The following PCSK5 variants were observed in gnomAD, a reference collection of about 807,000 sequenced individuals.
The protein encoded by PCSK5 is prohormone convertase 5.
PCSK5 carries 129 observed loss-of-function variants against 233.2 expected under a neutral mutation model. That is an observed-to-expected ratio of 0.55 (90% confidence interval 0.48 to 0.64). The LOEUF is 0.64. Ranked by LOEUF, PCSK5 falls within the 30% of genes least tolerant of loss-of-function variation. The pLI, the probability that PCSK5 is intolerant of heterozygous loss-of-function variation, is 0.00. For missense variants in PCSK5, 2,076 were observed against 2,430.1 expected, an observed-to-expected ratio of 0.85 and a Z score of 3.06; for synonymous variants, 825 against 879.2, an observed-to-expected ratio of 0.94 and a Z score of 1.09.
At chr9:76,318,773 C>T (rs1048496870) in intron 30 of PCSK5, among the ~76,000 whole-genome samples, 1 of 152,176 alleles carries the variant, frequency 6.6e-6, no homozygotes, top group Non-Finnish European at 1.5e-5. Flanking sequence ...TCCAATCTTA[C>T]AGGGCATTAA....
intron 24 of PCSK5, among the ~76,000 whole-genome samples, chr9:76,259,746 C>T (rs753461596): frequency 2.0e-5 from 3 of 152,078 alleles, no homozygotes; most frequent in African/African-American, 2.4e-5. Context: ...TCAATGTCAG[C>T]GTCCTCACAG....
chr9:76,247,562 C>T (rs1387070086), intron 24 of PCSK5, among the ~76,000 whole-genome samples: 3 of 152,164 alleles, frequency 2.0e-5, no homozygotes, highest in African/African-American at 7.2e-5. Flanking sequence ...GTCACCTTCC[C>T]AGCTAGGCTT....
chr9:75,944,802 C>G (rs1824486075), intron 2 of PCSK5, among the ~76,000 whole-genome samples: 1 of 152,036 alleles, frequency 6.6e-6, no homozygotes, highest in Admixed American at 6.6e-5. Flanking sequence ...TAATAAGCAC[C>G]TAAAATGTAA....
intron 7 of PCSK5, among the ~76,000 whole-genome samples, chr9:76,093,742 T>C (rs556519613): frequency 1.3e-5 from 2 of 152,272 alleles, no homozygotes; most frequent in African/African-American, 4.8e-5. Flanking sequence ...ACCCTGATTT[T>C]TGCCTGTAAC....
At chr9:76,184,555 A>G in intron 16 of PCSK5, 118 bp from the exon 17 acceptor site, 1 of 546,158 alleles carries the variant, frequency 1.8e-6, no homozygotes, top group South Asian at 2.7e-5. Flanking sequence ...TTTTCCTGCA[A>G]TTGTCTAGTC....
Position 76,171,124 on chromosome 9 carries a change from G to A in PCSK5, c.1756+1284G>A, listed in dbSNP as rs1191896126. On this transcript the variant is annotated intron_variant, in intron 13 of 37. Coordinates refer to ENST00000674117, the MANE Select transcript of PCSK5 (RefSeq NM_001372043.1). ...AAGAAAGCAAATGTTTGTCAATAAG[G>A]CAGGATTGATAGAGAAAACATGCAG... is the stretch of plus-strand genomic sequence containing the variant. 2.6e-5 allele frequency among the ~76,000 whole-genome samples: 4 copies of A among 152,184 alleles called. No individual in the cohort carries two copies. The East Asian group carries it at 5.8e-4, about 22-fold the overall frequency.
intron 24 of PCSK5, among the ~76,000 whole-genome samples, chr9:76,253,087 T>C (rs1016967329): frequency 2.0e-5 from 3 of 152,086 alleles, no homozygotes; most frequent in Non-Finnish European, 2.9e-5. Flanking sequence ...AAGTGGCTGA[T>C]TGTAAAACCG....
At chr9:75,892,499 G>A (rs960946152) in intron 1 of PCSK5, among the ~76,000 whole-genome samples, 10 of 152,230 alleles carry the variant, frequency 6.6e-5, no homozygotes. Flanking sequence ...GAGGATGATG[G>A]ATGGCGCCTT....
intron 21 of PCSK5, among the ~76,000 whole-genome samples, chr9:76,228,767 G>C (rs1259116473): frequency 6.6e-6 from 1 of 152,240 alleles, no homozygotes; most frequent in African/African-American, 2.4e-5. Flanking sequence ...GGCTGCTCCA[G>C]TGGCAGGCGC....
At chr9:76,358,200 T>G (rs1356002139) in intron 37 of PCSK5, among the ~76,000 whole-genome samples, 9 of 152,120 alleles carry the variant, frequency 5.9e-5, no homozygotes, top group African/African-American at 2.2e-4. Flanking sequence ...TACAGTGGTA[T>G]GCCTTCTAGG....
rs548426645 is a variant in PCSK5, at chr9:76,023,992, G to A, written c.555+111G>A. 1.6e-5 allele frequency: 14 copies of A among 860,204 alleles called. No homozygotes were observed. The South Asian group carries it at 3.3e-4, about 21-fold the overall frequency. 53.3% of individuals were successfully genotyped at this position (860,204 alleles called of 1,614,324 possible). The stretch of plus-strand genomic sequence containing the variant: ...TGAAAAATGTAGCAACGTACAATAG[G>A]GTATTGTGTTTTGCTTCTCTCTGGT... On this transcript the variant is annotated intron_variant, in intron 4 of 37. Coordinates refer to ENST00000674117, the MANE Select transcript of PCSK5 (RefSeq NM_001372043.1).
chr9:76,351,481 A>AAAGAAAG (rs1830136720), intron 36 of PCSK5, among the ~76,000 whole-genome samples: 1 of 89,748 alleles, frequency 1.1e-5, no homozygotes, highest in African/African-American at 3.9e-5. Flanking sequence ...AGAAAGAAAG[A>AAAGAAAG]AAGAAAGAAA....
At chr9:76,077,066 G>T (rs1425180740) in intron 7 of PCSK5, among the ~76,000 whole-genome samples, 1 of 152,140 alleles carries the variant, frequency 6.6e-6, no homozygotes, top group East Asian at 1.9e-4. Context: ...CAGAAATTCA[G>T]CCTAGCCAAA....
In PCSK5 at chr9:76,032,189, C is replaced by T. The variant is rs553142420; in HGVS notation, c.632+5152C>T. Reference sequence around the variant, plus strand: ...GGCATGTGCTATGCAAATGCCTCCTCACTGAACAATCAGACCAGTAGGCTT... The same window carrying T: ...GGCATGTGCTATGCAAATGCCTCCTTACTGAACAATCAGACCAGTAGGCTT... On this transcript the variant is annotated intron_variant, in intron 5 of 37. Coordinates refer to ENST00000674117, the MANE Select transcript of PCSK5 (RefSeq NM_001372043.1). 2.6e-3 allele frequency among the ~76,000 whole-genome samples: 390 copies of T among 152,290 alleles called. 2 individuals are homozygous for T. Among genetic ancestry groups the T allele is most frequent in the African/African-American group, 8.8e-3 (365 of 41,562 alleles).
At chr9:76,342,558 A>G (rs1829865179) in intron 35 of PCSK5, among the ~76,000 whole-genome samples, 1 of 152,244 alleles carries the variant, frequency 6.6e-6, no homozygotes, top group Admixed American at 6.5e-5. Flanking sequence ...TATCTTGATG[A>G]CATTATATTT....
At chr9:76,129,262 A>T (rs1822657466) in intron 9 of PCSK5, among the ~76,000 whole-genome samples, 1 of 151,690 alleles carries the variant, frequency 6.6e-6, no homozygotes, top group African/African-American at 2.4e-5. Context: ...CTTTAAAAAA[A>T]GTGGTTTTAT....
chr9:76,354,750 C>T (rs1830254235), intron 37 of PCSK5, among the ~76,000 whole-genome samples: 1 of 152,196 alleles, frequency 6.6e-6, no homozygotes, highest in Non-Finnish European at 1.5e-5. Context: ...GCACTTCAGC[C>T]TGGGTGACAG....
intron 24 of PCSK5, among the ~76,000 whole-genome samples, chr9:76,254,386 G>A (rs573621772): frequency 6.6e-6 from 1 of 151,716 alleles, no homozygotes; most frequent in East Asian, 1.9e-4. Context: ...TTTCTCTTCT[G>A]CTCCTCTGAA....
Position 76,295,356 on chromosome 9 carries a change from T to C in PCSK5, c.3267T>C (p.Cys1089=). ...EVECKACDSN[C]GSCDQNGCYW... is the part of the protein sequence containing the mutation. ...AATGCAAGGCGTGTGATAGTAACTG[T>C]GGCAGCTGTGACCAGAATGGGTGTT... The change falls in exon 26 of 38, where the codon TGT becomes TGC. Residue 1089 remains cysteine, a synonymous_variant. Coordinates refer to ENST00000674117, the MANE Select transcript of PCSK5 (RefSeq NM_001372043.1). The C allele has an allele frequency of 1.2e-6, 2 of 1,612,422 alleles. No homozygotes were observed. The highest frequency in any genetic ancestry group is 1.7e-6 in the Non-Finnish European group (2 of 1,179,542).
Sources: allele counts gnomAD v4.1 joint callset (sites outside exome capture counted in the v4.1 genomes callset), GRCh38; gene constraint gnomAD v4.1.1; transcripts MANE v1.5; gene names NCBI Gene and HGNC (gene_info 2026-07-23, HGNC 2026-07-21).